Variants in CNTNAP4 observed in about 807,000 individuals in gnomAD.
The protein encoded by CNTNAP4 is contactin associated protein family member 4.
In CNTNAP4, 98 loss-of-function variants were observed where a neutral mutation model predicts 148.4. The observed-to-expected ratio is 0.66, with a 90% CI of 0.56 to 0.78. The LOEUF (loss-of-function observed/expected upper bound fraction) is 0.78. Among genes scored for constraint, CNTNAP4 ranks in the 30% least tolerant of loss-of-function variants. The pLI is 0.00. For missense variants in CNTNAP4, 1,935 were observed against 1,565.6 expected (o/e 1.24, Z -3.98); for synonymous variants, 730 against 565.1 (o/e 1.29, Z -4.14).
intron 21 of CNTNAP4, among the ~76,000 whole-genome samples, chr16:76,545,475 G>A (rs1413726628): frequency 6.6e-6 from 1 of 152,078 alleles, no homozygotes; most frequent in Non-Finnish European, 1.5e-5. Context: ...TATAGTCATA[G>A]GCAGGTGGTC....
intron 1 of CNTNAP4, chr16:76,316,084 C>A (rs1334185930): frequency 1.0e-5 from 4 of 395,398 alleles, no homozygotes; most frequent in Non-Finnish European, 1.8e-5. Flanking sequence ...TTTACAGTGT[C>A]TTTTGGAAAC....
Position 76,448,847 on chromosome 16 carries a change from G to A in CNTNAP4, c.823G>A (p.Val275Met). Residue 275 changes from valine (V) to methionine (M), a missense_variant, in exon 6 of 24, where the codon GTG (valine) becomes ATG (methionine). By Grantham distance (21) the Val-to-Met change is conservative (BLOSUM62 1). Transcript: ENST00000611870. ...SLLDDQHWHS[V>M]LIQRLGKQVN... ...GCTAGATGATCAGCATTGGCATTCA[G>A]TGCTCATCCAGCGTTTGGGCAAACA... The A allele has an allele frequency of 6.2e-7, 1 of 1,613,146 alleles. No homozygotes were observed. The highest frequency in any genetic ancestry group is 8.5e-7 in the Non-Finnish European group (1 of 1,179,512).
chr16:76,415,845 T>C (rs918138154), intron 3 of CNTNAP4, among the ~76,000 whole-genome samples: 1 of 151,370 alleles, frequency 6.6e-6, no homozygotes, highest in Admixed American at 6.6e-5. Context: ...CTACAAAATA[T>C]TTTTTTAATT....
At chr16:76,415,820 C>G (rs1597466216) in intron 3 of CNTNAP4, among the ~76,000 whole-genome samples, 1 of 151,080 alleles carries the variant, frequency 6.6e-6, no homozygotes, top group Non-Finnish European at 1.5e-5. Flanking sequence ...ACTTTTATAT[C>G]TGGCATTTTT....
At chr16:76,542,256 G>A (rs1181180623) in intron 21 of CNTNAP4, among the ~76,000 whole-genome samples, 1 of 152,130 alleles carries the variant, frequency 6.6e-6, no homozygotes, top group East Asian at 1.9e-4. Context: ...CCACTGTGGA[G>A]GTAAGAACAT....
At chr16:76,548,502 A>G (rs1439679469) in intron 21 of CNTNAP4, among the ~76,000 whole-genome samples, 2 of 151,964 alleles carry the variant, frequency 1.3e-5, no homozygotes, top group African/African-American at 2.4e-5. Flanking sequence ...TTTCAAAAAA[A>G]CAGTCGTTTC....
chr16:76,535,193 C>A (rs1245961524), intron 17 of CNTNAP4, among the ~76,000 whole-genome samples: 1 of 152,028 alleles, frequency 6.6e-6, no homozygotes, highest in East Asian at 1.9e-4. Context: ...CCACACTTAC[C>A]CAGCAATATA....
intron 13 of CNTNAP4, among the ~76,000 whole-genome samples, chr16:76,492,703 G>A (rs1208214633): frequency 6.6e-6 from 1 of 152,166 alleles, no homozygotes; most frequent in Non-Finnish European, 1.5e-5. Context: ...TTTTATAAAT[G>A]AGAGTTCCTC....
intron 3 of CNTNAP4, among the ~76,000 whole-genome samples, chr16:76,390,420 T>G (rs2016874635): frequency 6.6e-6 from 1 of 152,162 alleles, no homozygotes; most frequent in African/African-American, 2.4e-5. Flanking sequence ...CTATATCCTT[T>G]TGCCAGGACA....
chr16:76,532,452 C>T (rs2084026525), intron 17 of CNTNAP4, among the ~76,000 whole-genome samples: 1 of 152,108 alleles, frequency 6.6e-6, no homozygotes, highest in South Asian at 2.1e-4. Flanking sequence ...TGGAAATGGA[C>T]TTTAGTCAGT....
intron 21 of CNTNAP4, among the ~76,000 whole-genome samples, chr16:76,543,965 A>G (rs1422892015): frequency 6.6e-6 from 1 of 152,160 alleles, no homozygotes; most frequent in Non-Finnish European, 1.5e-5. Flanking sequence ...ATCACCTACC[A>G]TGTAAACAGA....
At chr16:76,401,746 C>T (rs1381973534) in intron 3 of CNTNAP4, among the ~76,000 whole-genome samples, 1 of 152,098 alleles carries the variant, frequency 6.6e-6, no homozygotes, top group Non-Finnish European at 1.5e-5. Flanking sequence ...GATTTTTTAA[C>T]TTGAAAGGAT....
chr16:76,360,146 T>C (rs2144537818), intron 3 of CNTNAP4, among the ~76,000 whole-genome samples: 1 of 152,350 alleles, frequency 6.6e-6, no homozygotes, highest in East Asian at 1.9e-4. Flanking sequence ...TTAGTATCTC[T>C]TTGTTTTTTG....
At chr16:76,542,475 T>A (rs553818954) in intron 21 of CNTNAP4, among the ~76,000 whole-genome samples, 26 of 152,248 alleles carry the variant, frequency 1.7e-4, no homozygotes, top group African/African-American at 5.5e-4. Context: ...AAGCCTCAAC[T>A]GTTTTAACTG....
intron 12 of CNTNAP4, among the ~76,000 whole-genome samples, chr16:76,484,522 G>A (rs76961905): frequency 1.3e-5 from 2 of 152,230 alleles, no homozygotes; most frequent in East Asian, 1.9e-4. Context: ...TGAGAAATAC[G>A]TGTTACTACT....
chr16:76,521,915 C>T, intron 16 of CNTNAP4, 124 bp from the exon 17 acceptor site: 4 of 855,088 alleles, frequency 4.7e-6, no homozygotes, highest in Non-Finnish European at 5.8e-6. Context: ...GCATTGAAAC[C>T]ATCTATGTTC....
intron 15 of CNTNAP4, among the ~76,000 whole-genome samples, chr16:76,520,771 A>T (rs1429638275): frequency 6.6e-6 from 1 of 152,188 alleles, no homozygotes; most frequent in Non-Finnish European, 1.5e-5. Context: ...AAGTGTTTTA[A>T]TTTTGAAGTT....
rs980140386 is a variant in CNTNAP4 at position 76,449,756 on chromosome 16, A to G, written c.969A>G (p.Ser323=). 5 of 1,596,844 alleles carry G rather than the reference A, an allele frequency of 3.1e-6. No homozygotes were observed. The highest frequency in any genetic ancestry group is 4.3e-6 in the Non-Finnish European group (5 of 1,170,684). ...GGIPAPGKSV[S]FPHRNFHGCL... ...TTCCAGCACCTGGAAAATCAGTGTC[A>G]TTCCCACATAGAAATTTTCATGGAT... Residue 323 remains serine (S), a synonymous_variant, in exon 7 of 24, where the codon TCA becomes TCG. Coordinates refer to ENST00000611870, the MANE Select transcript of CNTNAP4 (RefSeq NM_033401.5).
Position 76,355,323 on chromosome 16 carries a change from G to A in CNTNAP4, c.202G>A (p.Gly68Ser), listed in dbSNP as rs141544092. ...FARLNRRDGA[G>S]GWSPLVSNKY... is the part of the protein sequence containing the mutation. The stretch of plus-strand genomic sequence containing the variant: ...GTTTCTATTTTTAATAAAAGGAGCT[G>A]GTGGCTGGTCTCCACTTGTGTCTAA... The change falls in exon 3 of 24, where the codon GGT (glycine) becomes AGT (serine). Residue 68 changes from glycine (G) to serine (S), a missense_variant. By Grantham distance (56) the Gly-to-Ser change is moderately conservative (BLOSUM62 0). Coordinates refer to ENST00000611870, the MANE Select transcript of CNTNAP4 (RefSeq NM_033401.5). The A allele has an allele frequency of 2.6e-6, 4 of 1,531,328 alleles. No homozygotes were observed. In the African/African-American group the frequency reaches 5.6e-5, roughly 21 times the overall value. The allele number at this position is 1,531,328 out of a possible 1,614,324, so 94.9% of individuals were successfully genotyped here. A position where few individuals can be genotyped will look rare whatever the true frequency, so the allele number is the denominator to read the frequency against.
Sources: allele counts gnomAD v4.1 joint callset (sites outside exome capture counted in the v4.1 genomes callset), GRCh38; gene constraint gnomAD v4.1.1; transcripts MANE v1.5; gene names NCBI Gene and HGNC (gene_info 2026-07-23, HGNC 2026-07-21).